The following RAB11FIP4 variants were observed in gnomAD, a reference collection of about 807,000 sequenced individuals.
RAB11FIP4 encodes rab11 family-interacting protein 4.
In RAB11FIP4, 23 loss-of-function variants were observed where a neutral mutation model predicts 74.3. The ratio of observed to expected loss-of-function variants is 0.31; its 90% confidence interval spans 0.22 to 0.44. The LOEUF (loss-of-function observed/expected upper bound fraction) is 0.44, where lower values mean the gene tolerates loss of function less well. RAB11FIP4 is among the 20% of genes least tolerant of loss of function. The pLI is 1.00. For synonymous variants in RAB11FIP4, 360 were observed against 359.9 expected (o/e 1.00, Z 0.00); for missense variants, 630 against 863.9 (o/e 0.73, Z 3.39).
intron 3 of RAB11FIP4, among the ~76,000 whole-genome samples, chr17:31,439,893 T>C (rs570844791): frequency 6.6e-6 from 1 of 152,172 alleles, no homozygotes; most frequent in Non-Finnish European, 1.5e-5. Context: ...CACCTCGGCC[T>C]CCCAAAGTGC....
chr17:31,391,892 C>T lies in RAB11FIP4; in HGVS notation c.40C>T (p.Leu14=), dbSNP rs1406621823. 2 of 1,263,116 alleles carry T rather than the reference C, an allele frequency of 1.6e-6. No individual in the cohort carries two copies. The highest frequency in any genetic ancestry group is 1.0e-6 in the Non-Finnish European group (1 of 1,003,796). 78.2% of individuals were successfully genotyped at this position (1,263,116 alleles called of 1,614,324 possible). ...GGGCTGGTCGGGCGCCCCCGCGGCT[C>T]TGCTGCGCTCCGTGCGCCGCCTGCG... ...GAGWSGAPAA[L]LRSVRRLREV... The change falls in exon 1 of 15, where the codon CTG becomes TTG. Residue 14 remains leucine (L), a synonymous_variant. Transcript: ENST00000621161.
At chr17:31,410,121 A>G (rs1432422370) in intron 1 of RAB11FIP4, among the ~76,000 whole-genome samples, 1 of 152,184 alleles carries the variant, frequency 6.6e-6, no homozygotes, top group Non-Finnish European at 1.5e-5. Context: ...AGGGTGAAGC[A>G]CTTAGCACAG....
chr17:31,531,817 C>A lies in RAB11FIP4; in HGVS notation c.*85C>A. 1.2e-6 allele frequency: 1 copy of A among 822,846 alleles called. No homozygotes were observed. The allele number at this position is 822,846 out of a possible 1,614,324, so 51.0% of individuals were successfully genotyped here. ...AAGGATGCAGGCCTAAGCCGGGCCT[C>A]ACACTCACACTGTAAATGTCTCTCT... is the stretch of plus-strand genomic sequence containing the variant. On this transcript the variant is annotated 3_prime_UTR_variant, in exon 15 of 15. Coordinates refer to ENST00000621161, the MANE Select transcript of RAB11FIP4 (RefSeq NM_032932.6).
chr17:31,458,251 T>TC (rs750558361), intron 3 of RAB11FIP4, among the ~76,000 whole-genome samples: 3 of 152,132 alleles, frequency 2.0e-5, no homozygotes, highest in Non-Finnish European at 4.4e-5. Context: ...CCTCACTCCC[T>TC]CCACCCCATC....
At chr17:31,414,110 T>C (rs1314243261) in intron 1 of RAB11FIP4, among the ~76,000 whole-genome samples, 1 of 152,202 alleles carries the variant, frequency 6.6e-6, no homozygotes, top group Non-Finnish European at 1.5e-5. Context: ...ATGATGTTGC[T>C]CAGGGAGGTT....
At chr17:31,514,346 T>G (rs1314789754) in intron 3 of RAB11FIP4, among the ~76,000 whole-genome samples, 1 of 152,216 alleles carries the variant, frequency 6.6e-6, no homozygotes, top group Non-Finnish European at 1.5e-5. Flanking sequence ...AGAGGCCACG[T>G]CAGACACCTG....
At chr17:31,423,599 A>G (rs2071219910) in intron 1 of RAB11FIP4, among the ~76,000 whole-genome samples, 1 of 152,182 alleles carries the variant, frequency 6.6e-6, no homozygotes, top group Non-Finnish European at 1.5e-5. Flanking sequence ...TGTGAATTAT[A>G]GTTTCAATGT....
rs988606184 is a variant in RAB11FIP4, at chr17:31,503,637, C to T, written c.337-14014C>T. ...TAGGACTGTTATGACTGTGAATGGT[C>T]TTTTAGAGGCCGGATCATTCTTATG... is the stretch of plus-strand genomic sequence containing the variant. On this transcript the variant is annotated intron_variant, in intron 3 of 14. Coordinates refer to ENST00000621161, the MANE Select transcript of RAB11FIP4 (RefSeq NM_032932.6). Among the ~76,000 whole-genome samples, 27 of 149,664 alleles carry T rather than the reference C, an allele frequency of 1.8e-4. 3 individuals are homozygous for T. Among genetic ancestry groups the T allele is most frequent in the African/African-American group, 4.9e-4 (19 of 39,024 alleles).
At position 31,525,116 on chromosome 17, in the gene RAB11FIP4, A is replaced by C; in HGVS notation, c.1160A>C (p.Lys387Thr). ...GTGCATGAGCTGGAGGAGATGGTGAAGGATCAGGAGACCACGGCCGAGCAG... is the reference window on the plus strand; with the variant it reads ...GTGCATGAGCTGGAGGAGATGGTGACGGATCAGGAGACCACGGCCGAGCAG... ...HRVHELEEMV[K>T]DQETTAEQAL... Residue 387 changes from lysine to threonine, a missense_variant, in exon 10 of 15, where the codon AAG becomes ACG. Coordinates refer to ENST00000621161, the MANE Select transcript of RAB11FIP4 (RefSeq NM_032932.6). 1.9e-6 allele frequency: 3 copies of C among 1,550,542 alleles called. No individual in the cohort carries two copies. Among genetic ancestry groups the C allele is most frequent in the Non-Finnish European group, 2.6e-6 (3 of 1,147,132 alleles).
chr17:31,397,088 G>A (rs113894292), intron 1 of RAB11FIP4, among the ~76,000 whole-genome samples: 2,951 of 152,248 alleles, frequency 0.019, 122 homozygotes, highest in African/African-American at 0.067. Flanking sequence ...TTTGAGATAC[G>A]TGGCTTCCAG....
intron 1 of RAB11FIP4, among the ~76,000 whole-genome samples, chr17:31,398,303 G>T (rs2151613308): frequency 6.6e-6 from 1 of 152,284 alleles, no homozygotes; most frequent in African/African-American, 2.4e-5. Flanking sequence ...GCCTCCCAAG[G>T]TGCTGGGATT....
At chr17:31,519,110 G>A (rs2072617104) in intron 4 of RAB11FIP4, among the ~76,000 whole-genome samples, 1 of 149,626 alleles carries the variant, frequency 6.7e-6, no homozygotes, top group East Asian at 2.0e-4. Context: ...CACCTCCCGG[G>A]TTCATGCCAT....
In RAB11FIP4 at chr17:31,537,527, C is replaced by T. The variant is rs2072986074; in HGVS notation, c.*5795C>T. 1 of 251,516 alleles carries T rather than the reference C, an allele frequency of 4.0e-6. No homozygotes were observed. The highest frequency in any genetic ancestry group is 7.0e-5 in the East Asian group (1 of 14,204). The allele number at this position is 251,516 out of a possible 1,614,324, so 15.6% of individuals were successfully genotyped here. A position where few individuals can be genotyped will look rare whatever the true frequency, so the allele number is the denominator to read the frequency against. On this transcript the variant is annotated 3_prime_UTR_variant, in exon 15 of 15. Coordinates refer to ENST00000621161, the MANE Select transcript of RAB11FIP4 (RefSeq NM_032932.6). Reference sequence around the variant, plus strand: ...GTTAGTGATGTCGGGCAAAGCATCACTCTTTAACCTGGGGCATTGGCCCCA... The same window carrying T: ...GTTAGTGATGTCGGGCAAAGCATCATTCTTTAACCTGGGGCATTGGCCCCA...
intron 3 of RAB11FIP4, among the ~76,000 whole-genome samples, chr17:31,440,746 G>A (rs1368546606): frequency 6.6e-6 from 1 of 152,168 alleles, no homozygotes; most frequent in Non-Finnish European, 1.5e-5. Context: ...TTAAGCCTTG[G>A]CGACAAAGTG....
chr17:31,425,571 G>A (rs2071240242), intron 1 of RAB11FIP4, among the ~76,000 whole-genome samples: 1 of 152,188 alleles, frequency 6.6e-6, no homozygotes, highest in Admixed American at 6.5e-5. Flanking sequence ...TGTGACCCAG[G>A]GGACTGAGTG....
At chr17:31,472,040 T>G (rs1312796281) in intron 3 of RAB11FIP4, among the ~76,000 whole-genome samples, 1 of 151,988 alleles carries the variant, frequency 6.6e-6, no homozygotes, top group African/African-American at 2.4e-5. Context: ...CGAGTGCCTG[T>G]AATCCCAGCT....
intron 1 of RAB11FIP4, among the ~76,000 whole-genome samples, chr17:31,424,495 C>A (rs972491350): frequency 6.6e-6 from 1 of 151,992 alleles, no homozygotes; most frequent in East Asian, 1.9e-4. Flanking sequence ...TGCAACCTCC[C>A]GCCTCCTGGG....
intron 3 of RAB11FIP4, among the ~76,000 whole-genome samples, chr17:31,507,978 C>CA (rs1442473487): frequency 2.0e-5 from 3 of 152,140 alleles, no homozygotes; most frequent in African/African-American, 4.8e-5. Flanking sequence ...AGGCATGCGC[C>CA]ACCACACCTG....
At chr17:31,408,006 T>TA (rs961267584) in intron 1 of RAB11FIP4, among the ~76,000 whole-genome samples, 60 of 148,800 alleles carry the variant, frequency 4.0e-4, no homozygotes, top group East Asian at 1.6e-3. Context: ...ATTGTTCTGT[T>TA]AAAAAAAAAA....
Sources: allele counts gnomAD v4.1 joint callset (sites outside exome capture counted in the v4.1 genomes callset), GRCh38; gene constraint gnomAD v4.1.1; transcripts MANE v1.5; gene names NCBI Gene and HGNC (gene_info 2026-07-23, HGNC 2026-07-21).